Variants in QTGAL observed in about 807,000 individuals in gnomAD.
The protein encoded by QTGAL is BGnT-like protein 1.
the QTGAL span, among the ~76,000 whole-genome samples, chr17:82,999,347 T>C: frequency 6.6e-6 from 1 of 152,278 alleles, no homozygotes; most frequent in Admixed American, 6.5e-5. Flanking sequence ...TGCAAGGAAC[T>C]GGAACAACTC....
chr17:83,037,218 C>T, the QTGAL span, among the ~76,000 whole-genome samples: 2 of 152,224 alleles, frequency 1.3e-5, no homozygotes, highest in African/African-American at 4.8e-5. The surrounding 1 kb of genome is among the most constrained non-coding windows in gnomAD (Gnocchi z 5.2). Context: ...ACTCTCCCGT[C>T]TCCACTACAA....
chr17:82,946,429 A>T, the QTGAL span, among the ~76,000 whole-genome samples: 1 of 152,216 alleles, frequency 6.6e-6, no homozygotes, highest in Non-Finnish European at 1.5e-5. Flanking sequence ...CAGTCTTAGA[A>T]GATACTAAAG....
the QTGAL span, among the ~76,000 whole-genome samples, chr17:82,988,771 T>C: frequency 6.7e-6 from 1 of 149,220 alleles, no homozygotes; most frequent in East Asian, 2.0e-4. Context: ...TCACTGATCA[T>C]CAGAGAATTG....
At chr17:83,023,205 G>T in the QTGAL span, among the ~76,000 whole-genome samples, 22 of 63,096 alleles carry the variant, frequency 3.5e-4, no homozygotes, top group Admixed American at 8.5e-4. Flanking sequence ...GAACTCACAT[G>T]AGCTTAGCAC....
the QTGAL span, among the ~76,000 whole-genome samples, chr17:82,966,475 T>C: frequency 6.6e-6 from 1 of 152,182 alleles, no homozygotes; most frequent in Admixed American, 6.5e-5. Context: ...TACAAAGCTA[T>C]GGTGATCAAG....
At chr17:83,028,251 G>A in the QTGAL span, among the ~76,000 whole-genome samples, 61 of 151,738 alleles carry the variant, frequency 4.0e-4, no homozygotes, top group Admixed American at 1.3e-3. Context: ...CAGGCCGGGC[G>A]CGGTGGCTCA....
chr17:83,021,765 A>G, the QTGAL span, among the ~76,000 whole-genome samples: 1 of 152,252 alleles, frequency 6.6e-6, no homozygotes, highest in Non-Finnish European at 1.5e-5. Flanking sequence ...GAGACTTACT[A>G]TAAAGCTACA....
chr17:82,995,299 C>T, the QTGAL span, among the ~76,000 whole-genome samples: 1 of 152,098 alleles, frequency 6.6e-6, no homozygotes, highest in Non-Finnish European at 1.5e-5. Flanking sequence ...AAAGACTCCA[C>T]CAAACAACTA....
the QTGAL span, chr17:83,049,036 A>AGG: frequency 2.2e-6 from 1 of 463,294 alleles, no homozygotes; most frequent in East Asian, 4.2e-5. Context: ...GGTGGATTAC[A>AGG]AGGTCAGGAG....
the QTGAL span, among the ~76,000 whole-genome samples, chr17:83,039,829 C>G: frequency 6.6e-6 from 1 of 152,236 alleles, no homozygotes; most frequent in Non-Finnish European, 1.5e-5. Flanking sequence ...CCCCAGGGCA[C>G]TGCAGGAGAA....
the QTGAL span, among the ~76,000 whole-genome samples, chr17:82,967,899 C>T: frequency 6.6e-6 from 1 of 152,020 alleles, no homozygotes; most frequent in Non-Finnish European, 1.5e-5. Context: ...CGCACCACAG[C>T]ACTCACTCCA....
the QTGAL span, among the ~76,000 whole-genome samples, chr17:82,995,849 AAAG>A: frequency 0.012 from 1,830 of 152,330 alleles, 41 homozygotes; most frequent in African/African-American, 0.042. Flanking sequence ...GCAAGAAATT[AAAG>A]AAGAGTAATC....
At chr17:82,983,538 T>A in the QTGAL span, among the ~76,000 whole-genome samples, 19 of 152,054 alleles carry the variant, frequency 1.2e-4, no homozygotes, top group Admixed American at 3.9e-4. Context: ...GATCAGAAAC[T>A]ACGAAGAGTG....
the QTGAL span, among the ~76,000 whole-genome samples, chr17:82,997,504 C>T: frequency 0.012 from 1,845 of 152,200 alleles, 42 homozygotes; most frequent in African/African-American, 0.042. Flanking sequence ...AAAATAGAGC[C>T]ACTGTATGAT....
At chr17:83,024,749 C>T in the QTGAL span, among the ~76,000 whole-genome samples, 3 of 152,236 alleles carry the variant, frequency 2.0e-5, no homozygotes, top group African/African-American at 2.4e-5. Context: ...CCCGCAACAT[C>T]GGCATGCCCT....
At chr17:82,982,461 A>G in the QTGAL span, among the ~76,000 whole-genome samples, 1 of 152,276 alleles carries the variant, frequency 6.6e-6, no homozygotes, top group East Asian at 1.9e-4. Flanking sequence ...AAATGAGCCC[A>G]CAAAAGGGCC....
At chr17:83,021,907 G>A in the QTGAL span, among the ~76,000 whole-genome samples, 46 of 152,222 alleles carry the variant, frequency 3.0e-4, no homozygotes, top group East Asian at 6.6e-3. Context: ...ATAGATCCAC[G>A]CTTTTTTGGA....
the QTGAL span, among the ~76,000 whole-genome samples, chr17:83,042,148 CTTG>C: frequency 6.6e-6 from 1 of 152,238 alleles, no homozygotes. Flanking sequence ...GGGTGGATCA[CTTG>C]AGTCCAGGAA....
chr17:83,001,647 C>T, the QTGAL span, among the ~76,000 whole-genome samples: 5,215 of 152,204 alleles, frequency 0.034, 106 homozygotes, highest in South Asian at 0.07. Flanking sequence ...GGGTGTGTGA[C>T]CTGCACACAG....
Sources: gnomAD v4.1 joint callset for allele counts (sites outside exome capture counted in the v4.1 genomes callset) on GRCh38, gnomAD v4.1.1 for gene constraint, Gnocchi (gnomAD v3.1) non-coding constraint, MANE v1.5 for transcripts, NCBI Gene and HGNC (gene_info 2026-07-23, HGNC 2026-07-21) for gene names.